GXYLT1: variants seen among roughly 807,000 people sequenced by gnomAD.
GXYLT1 encodes the protein glucoside xylosyltransferase 1, also known as glycosyltransferase 8 domain containing 3.
Under a neutral mutation model 54.0 loss-of-function variants are expected in GXYLT1, and 29 were observed. That is an observed-to-expected ratio of 0.54 (90% confidence interval 0.40 to 0.73). The LOEUF (loss-of-function observed/expected upper bound fraction) is 0.73. Among genes scored for constraint, GXYLT1 ranks in the 30% least tolerant of loss-of-function variants. The pLI, the probability that GXYLT1 is intolerant of heterozygous loss-of-function variation, is 0.00. For missense variants in GXYLT1, 490 were observed against 553.4 expected, an observed-to-expected ratio of 0.89 and a Z score of 1.15; for synonymous variants, 176 against 204.1, an observed-to-expected ratio of 0.86 and a Z score of 1.17.
chr12:42,111,551 T>G (rs2065456076), intron 3 of GXYLT1, among the ~76,000 whole-genome samples: 1 of 152,116 alleles, frequency 6.6e-6, no homozygotes, highest in African/African-American at 2.4e-5. Flanking sequence ...CAGTCCGAGA[T>G]CAAACTGCAA....
intron 2 of GXYLT1, among the ~76,000 whole-genome samples, chr12:42,126,170 T>C (rs2065560808): frequency 6.7e-6 from 1 of 149,658 alleles, no homozygotes; most frequent in Non-Finnish European, 1.5e-5. Context: ...CCCTCCCGGG[T>C]TCAAGCGATT....
chr12:42,106,548 G>A (rs955049240), intron 4 of GXYLT1, among the ~76,000 whole-genome samples: 7 of 151,950 alleles, frequency 4.6e-5, no homozygotes, highest in Non-Finnish European at 8.8e-5. Flanking sequence ...TGGAACCCAG[G>A]CAATCCAGAT....
Position 42,105,861 on chromosome 12 carries a change from A to C in GXYLT1, c.821T>G (p.Val274Gly), listed in dbSNP as rs1021928032. The change falls in exon 5 of 8, where the codon GTT becomes GGT. Residue 274 changes from valine to glycine, a missense_variant. By Grantham distance (109) the Val-to-Gly change is moderately radical (BLOSUM62 -3). Coordinates refer to ENST00000398675, the MANE Select transcript of GXYLT1 (RefSeq NM_173601.2). ...YYGKTGVNSG[V>G]MLMNMTRMRR... ...CATTCGAGTCATGTTCATCAACATA[A>C]CTCCAGAGTTTACTCCAGTTTTTCC... 6 of 1,613,388 alleles carry C rather than the reference A, an allele frequency of 3.7e-6. No individual in the cohort carries two copies. Among genetic ancestry groups the C allele is most frequent in the Non-Finnish European group, 5.1e-6 (6 of 1,179,470 alleles).
In GXYLT1 at chr12:42,105,800, C is replaced by G; in HGVS notation, c.864+18G>C. 6.3e-7 allele frequency: 1 copy of G among 1,586,174 alleles called. No homozygotes were observed. Among genetic ancestry groups the G allele is most frequent in the Non-Finnish European group, 8.6e-7 (1 of 1,169,104 alleles). On this transcript the variant is annotated intron_variant, in intron 5 of 7. Transcript: ENST00000398675. ...GTTTTTAGAGAAATGTTAACAACTA[C>G]CTGTATTAGTGACTTACCTTGAAAT... is the stretch of plus-strand genomic sequence containing the variant.
At chr12:42,125,420 A>C (rs754641767) in intron 2 of GXYLT1, among the ~76,000 whole-genome samples, 8 of 152,196 alleles carry the variant, frequency 5.3e-5, no homozygotes, top group Non-Finnish European at 1.0e-4. Flanking sequence ...CTATCAGTTA[A>C]ACAAATTATC....
chr12:42,128,710 TG>T (rs1283664295), intron 2 of GXYLT1, among the ~76,000 whole-genome samples: 1 of 152,214 alleles, frequency 6.6e-6, no homozygotes, highest in African/African-American at 2.4e-5. Context: ...TTATTTTATT[TG>T]TTTTTTTGAG....
chr12:42,094,280 G>A (rs1243986503), intron 7 of GXYLT1, among the ~76,000 whole-genome samples: 1 of 151,480 alleles, frequency 6.6e-6, no homozygotes, highest in East Asian at 1.9e-4. Flanking sequence ...GAATCCAGAA[G>A]GTCAACGCTG....
chr12:42,128,429 T>C lies in GXYLT1; in HGVS notation c.314+1330A>G, dbSNP rs75177429. Among the ~76,000 whole-genome samples, 850 of 152,302 alleles carry C rather than the reference T, an allele frequency of 5.6e-3. 7 individuals carry two copies. Among genetic ancestry groups the C allele is most frequent in the African/African-American group, 0.019 (810 of 41,562 alleles). On this transcript the variant is annotated intron_variant, in intron 2 of 7. Coordinates refer to ENST00000398675, the MANE Select transcript of GXYLT1 (RefSeq NM_173601.2). ...TTAAAAGTTTTTAAAAATGAAGTTC[T>C]TCCTATCTCAAACACTTCACCTCCT...
intron 1 of GXYLT1, 85 bp downstream of exon 1, chr12:42,144,341 C>T: frequency 3.6e-6 from 3 of 840,248 alleles, no homozygotes; most frequent in Non-Finnish European, 4.9e-6. Flanking sequence ...GACGCGGCAC[C>T]CACCGGCGAG....
chr12:42,114,183 G>A (rs11181335), intron 3 of GXYLT1, among the ~76,000 whole-genome samples: 78,189 of 152,050 alleles, frequency 0.51, 20,558 homozygotes, highest in South Asian at 0.7. Flanking sequence ...AGCAGGAAAG[G>A]TCTAAAATTG....
intron 1 of GXYLT1, among the ~76,000 whole-genome samples, chr12:42,138,344 C>A (rs981684038): frequency 6.6e-6 from 1 of 152,200 alleles, no homozygotes; most frequent in Non-Finnish European, 1.5e-5. Flanking sequence ...TAACTTCTAG[C>A]TCTAAGTAAG....
rs532374339 is a variant in GXYLT1, at chr12:42,104,119, T to A, written c.864+1699A>T. On this transcript the variant is annotated intron_variant, in intron 5 of 7. Coordinates refer to ENST00000398675, the MANE Select transcript of GXYLT1 (RefSeq NM_173601.2). ...AAAAGTAAAATAAGAACAAAATAAT[T>A]TTAAAAACAATGGATTTGAACTATA... Among the ~76,000 whole-genome samples, 7 of 152,248 alleles carry A rather than the reference T, an allele frequency of 4.6e-5. No homozygotes were observed. In the South Asian group the frequency reaches 1.2e-3, roughly 27 times the overall value.
intron 1 of GXYLT1, among the ~76,000 whole-genome samples, chr12:42,137,002 G>T (rs1429106072): frequency 1.3e-5 from 2 of 152,004 alleles, no homozygotes; most frequent in Non-Finnish European, 2.9e-5. Flanking sequence ...GAACTTCTGG[G>T]TTCAAGCAAT....
At chr12:42,093,306 G>T (rs2065338856) in intron 7 of GXYLT1, among the ~76,000 whole-genome samples, 1 of 152,156 alleles carries the variant, frequency 6.6e-6, no homozygotes, top group Admixed American at 6.5e-5. Flanking sequence ...CCACTTTGGT[G>T]GCCAGGCTGG....
chr12:42,105,045 C>T (rs1398639715), intron 5 of GXYLT1, among the ~76,000 whole-genome samples: 1 of 152,166 alleles, frequency 6.6e-6, no homozygotes, highest in African/African-American at 2.4e-5. Context: ...AGAATTCATA[C>T]TTAAAAGTTA....
intron 1 of GXYLT1, among the ~76,000 whole-genome samples, chr12:42,136,145 A>G (rs945242148): frequency 2.0e-5 from 3 of 152,262 alleles, no homozygotes; most frequent in Non-Finnish European, 4.4e-5. Flanking sequence ...GGAGATTTAG[A>G]TAAAGAGTAG....
In GXYLT1 at chr12:42,097,564, T is replaced by C. The variant is rs1379916943; in HGVS notation, c.1039A>G (p.Ile347Val). ...GCTTCTTGGCAATTGCTTCCATATATACAATGATCTGGTCGATAATTCCAT... is the reference window on the plus strand; with the variant it reads ...GCTTCTTGGCAATTGCTTCCATATACACAATGATCTGGTCGATAATTCCAT... ...CQWNYRPDHC[I>V]YGSNCQEAEE... is the part of the protein sequence containing the mutation. The change falls in exon 7 of 8, where the codon ATA becomes GTA. Residue 347 changes from isoleucine to valine, a missense_variant. Ile to Val is a conservative substitution (Grantham distance 29). Coordinates refer to ENST00000398675, the MANE Select transcript of GXYLT1 (RefSeq NM_173601.2). The C allele has an allele frequency of 1.2e-6, 2 of 1,611,710 alleles. No individual in the cohort carries two copies. The highest frequency in any genetic ancestry group is 2.2e-5 in the East Asian group (1 of 44,774).
At chr12:42,116,693 G>A (rs1214968363) in intron 3 of GXYLT1, among the ~76,000 whole-genome samples, 1 of 152,192 alleles carries the variant, frequency 6.6e-6, no homozygotes, top group African/African-American at 2.4e-5. Context: ...CTGTAAACTA[G>A]TTCAGCCATT....
At chr12:42,143,317 TG>T (rs1403573338) in intron 1 of GXYLT1, among the ~76,000 whole-genome samples, 1 of 152,212 alleles carries the variant, frequency 6.6e-6, no homozygotes, top group South Asian at 2.1e-4. Flanking sequence ...CTTCAGTGAC[TG>T]CTTTCTCCCA....
Sources: allele counts gnomAD v4.1 joint callset (sites outside exome capture counted in the v4.1 genomes callset), GRCh38; gene constraint gnomAD v4.1.1; transcripts MANE v1.5; gene names NCBI Gene and HGNC (gene_info 2026-07-23, HGNC 2026-07-21).